Variants in WDR41 observed in about 807,000 individuals in gnomAD.
WDR41 encodes the protein WD repeat-containing protein 41.
WDR41 carries 63 observed loss-of-function variants against 69.3 expected under a neutral mutation model. That is an observed-to-expected ratio of 0.91 (90% CI 0.74 to 1.12). The LOEUF (loss-of-function observed/expected upper bound fraction) is 1.12, where lower values mean the gene tolerates loss of function less well. WDR41 is among the 50% of genes most tolerant of loss of function. WDR41 has a pLI of 0.00. For missense variants in WDR41, 543 were observed against 534.5 expected (o/e 1.02, Z -0.16); for synonymous variants, 185 against 192.1 (o/e 0.96, Z 0.31).
chr5:77,478,464 A>G (rs1219251292), intron 2 of WDR41, among the ~76,000 whole-genome samples: 1 of 152,168 alleles, frequency 6.6e-6, no homozygotes, highest in African/African-American at 2.4e-5. Context: ...GCACATCAAA[A>G]AGCTTATCCA....
intron 1 of WDR41, among the ~76,000 whole-genome samples, chr5:77,552,889 G>A (rs2112243961): frequency 6.6e-6 from 1 of 152,304 alleles, no homozygotes; most frequent in Non-Finnish European, 1.5e-5. Context: ...TAAAAAATGA[G>A]CTTAAATTGG....
At chr5:77,591,719 T>G (rs1744141246) in intron 1 of WDR41, among the ~76,000 whole-genome samples, 1 of 152,174 alleles carries the variant, frequency 6.6e-6, no homozygotes, top group Admixed American at 6.5e-5. Context: ...TTTTCTGTTA[T>G]TGAATTCTAC....
chr5:77,514,898 C>T (rs981804800), intron 1 of WDR41, among the ~76,000 whole-genome samples: 4 of 152,076 alleles, frequency 2.6e-5, no homozygotes, highest in African/African-American at 9.7e-5. Flanking sequence ...AAAGGGTCTA[C>T]TTGTATAGAG....
chr5:77,583,108 A>G (rs1743971268), intron 1 of WDR41: 3 of 1,541,982 alleles, frequency 1.9e-6, no homozygotes, highest in South Asian at 2.2e-5. Context: ...CAGGCTTACT[A>G]GAAGAATGAA....
intron 5 of WDR41, among the ~76,000 whole-genome samples, chr5:77,454,671 T>G (rs561955596): frequency 6.6e-6 from 1 of 152,236 alleles, no homozygotes; most frequent in Admixed American, 6.5e-5. Context: ...TGACTCTGAG[T>G]CAGACAAGGG....
intron 1 of WDR41, among the ~76,000 whole-genome samples, chr5:77,604,121 C>T (rs1248206348): frequency 6.6e-6 from 1 of 152,004 alleles, no homozygotes; most frequent in African/African-American, 2.4e-5. Flanking sequence ...AATGACATTG[C>T]TATTTTGATA....
At chr5:77,435,673 T>G (rs140338059) in intron 12 of WDR41, among the ~76,000 whole-genome samples, 6 of 152,232 alleles carry the variant, frequency 3.9e-5, no homozygotes, top group Non-Finnish European at 7.3e-5. Flanking sequence ...TTACCTCAAC[T>G]GATCTTATTC....
At chr5:77,451,232 C>A (rs1269507733) in intron 7 of WDR41, 59 bp downstream of exon 7, 3 of 1,524,310 alleles carry the variant, frequency 2.0e-6, no homozygotes, top group African/African-American at 2.8e-5. Context: ...TTTAGTCCTT[C>A]CAGCATGTGT....
intron 1 of WDR41, among the ~76,000 whole-genome samples, chr5:77,570,874 G>A (rs568255290): frequency 4.0e-5 from 6 of 151,838 alleles, no homozygotes; most frequent in East Asian, 3.9e-4. Flanking sequence ...AGAAATCATC[G>A]ACAAAGGGTG....
rs1490193125 is a variant in WDR41 at position 77,612,867 on chromosome 5, G to C, written c.42+7612C>G. Among the ~76,000 whole-genome samples the C allele has an allele frequency of 5.7e-3, 869 of 151,920 alleles. 7 individuals are homozygous for C. Among genetic ancestry groups the C allele is most frequent in the African/African-American group, 0.02 (824 of 41,394 alleles). Reference sequence around the variant, plus strand: ...GGAAGTCAAATTGTCCCTGTTTGCAGATGACATGATTGTATATCTAGAAAA... The same window carrying C: ...GGAAGTCAAATTGTCCCTGTTTGCACATGACATGATTGTATATCTAGAAAA... On this transcript the variant is annotated intron_variant, in intron 1 of 5. Coordinates refer to the WDR41 transcript ENST00000509971.
chr5:77,533,695 T>A (rs1742906996), intron 1 of WDR41, among the ~76,000 whole-genome samples: 1 of 152,170 alleles, frequency 6.6e-6, no homozygotes, highest in Non-Finnish European at 1.5e-5. Context: ...AATTCTCCAC[T>A]CCTAAGGTTC....
chr5:77,612,608 A>G (rs956846766), intron 1 of WDR41, among the ~76,000 whole-genome samples: 1 of 152,328 alleles, frequency 6.6e-6, no homozygotes, highest in Non-Finnish European at 1.5e-5. Context: ...TCATACTAAA[A>G]ACTCTCAATA....
At chr5:77,611,122 T>C (rs1744540746) in intron 1 of WDR41, among the ~76,000 whole-genome samples, 1 of 152,006 alleles carries the variant, frequency 6.6e-6, no homozygotes, top group Non-Finnish European at 1.5e-5. Flanking sequence ...TAAATATACA[T>C]GCACCCAATA....
intron 5 of WDR41, 74 bp downstream of exon 5, chr5:77,458,988 T>C (rs1799936236): frequency 7.3e-6 from 8 of 1,094,706 alleles, no homozygotes; most frequent in South Asian, 4.3e-5. Flanking sequence ...AGTAATTTCG[T>C]CTAACTCTTT....
chr5:77,523,364 A>G (rs1406558164), intron 1 of WDR41, among the ~76,000 whole-genome samples: 1 of 152,030 alleles, frequency 6.6e-6, no homozygotes, highest in Non-Finnish European at 1.5e-5. Flanking sequence ...ACTCCTTAAT[A>G]ATTTTTATAT....
chr5:77,521,312 G>A (rs961505825), intron 1 of WDR41, among the ~76,000 whole-genome samples: 1 of 152,214 alleles, frequency 6.6e-6, no homozygotes, highest in Non-Finnish European at 1.5e-5. Context: ...ATCTAATGCC[G>A]AGGCTGATCT....
rs139912368 is a variant in WDR41 at position 77,603,831 on chromosome 5, G to T, written c.42+16648C>A. ...CTTAGTACCATTTATTGAAGAGGGT[G>T]TCCTTTCCCCAGTGCATGTTTCTGG... On this transcript the variant is annotated intron_variant, in intron 1 of 5. Coordinates refer to the WDR41 transcript ENST00000509971. Among the ~76,000 whole-genome samples, 1,305 of 152,256 alleles carry T rather than the reference G, an allele frequency of 8.6e-3. 21 individuals carry two copies. Among genetic ancestry groups the T allele is most frequent in the African/African-American group, 0.029 (1,225 of 41,558 alleles).
chr5:77,595,001 G>C (rs1026089713), intron 1 of WDR41, among the ~76,000 whole-genome samples: 12 of 152,086 alleles, frequency 7.9e-5, no homozygotes, highest in African/African-American at 2.7e-4. Flanking sequence ...GGAAACGAGG[G>C]TTTATCCCCA....
intron 2 of WDR41, among the ~76,000 whole-genome samples, chr5:77,469,537 A>T (rs1385454356): frequency 6.6e-6 from 1 of 152,186 alleles, no homozygotes; most frequent in East Asian, 1.9e-4. Context: ...ACCATTTCAT[A>T]AGCAGTTTGT....
Sources: gnomAD v4.1 joint callset for allele counts (sites outside exome capture counted in the v4.1 genomes callset) on GRCh38, gnomAD v4.1.1 for gene constraint, MANE v1.5 for transcripts, NCBI Gene and HGNC (gene_info 2026-07-23, HGNC 2026-07-21) for gene names.